FBXO38: variants seen among roughly 807,000 people sequenced by gnomAD.
FBXO38 encodes the protein F-box only protein 38.
Under a neutral mutation model 131.9 loss-of-function variants are expected in FBXO38, and 53 were observed. The ratio of observed to expected loss-of-function variants is 0.40; its 90% CI spans 0.32 to 0.51. The LOEUF is 0.51. Ranked by LOEUF, FBXO38 falls within the 20% of genes least tolerant of loss-of-function variation. The probability of loss-of-function intolerance (pLI) is 0.53; values close to 1 mark genes in which losing one functional copy is unlikely to be tolerated. For missense variants in FBXO38, 1,076 were observed against 1,475.6 expected (o/e 0.73, Z 4.44); for synonymous variants, 452 against 505.6 (o/e 0.89, Z 1.42).
chr5:148,421,552 A>G (rs1413014004), intron 12 of FBXO38, among the ~76,000 whole-genome samples: 1 of 152,216 alleles, frequency 6.6e-6, no homozygotes, highest in Non-Finnish European at 1.5e-5. Context: ...ACTTTTTTAC[A>G]GCTGAAATAA....
In FBXO38 at chr5:148,416,024, G is replaced by A; in HGVS notation, c.1361G>A (p.Ser454Asn). The change falls in exon 11 of 22, where the codon AGC (serine) becomes AAC (asparagine). Residue 454 changes from serine to asparagine, a missense_variant. This residue lies in a region of FBXO38 where 146 missense variants were observed against 274.3 expected (regional missense o/e 0.53). Transcript: ENST00000340253. ...SFGQFIELLP[S>N]LEFISLDQMF... Reference sequence around the variant, plus strand: ...GGCCAGTTTATTGAATTATTACCCAGCCTAGAGTTTATTTCACTGGATCAG... The same window carrying A: ...GGCCAGTTTATTGAATTATTACCCAACCTAGAGTTTATTTCACTGGATCAG... The A allele has an allele frequency of 1.2e-6, 2 of 1,612,306 alleles. No homozygotes were observed. Among genetic ancestry groups the A allele is most frequent in the African/African-American group, 1.3e-5 (1 of 74,872 alleles).
chr5:148,427,483 C>G lies in FBXO38; in HGVS notation c.2189C>G (p.Thr730Arg), dbSNP rs767223993. Reference sequence around the variant, plus strand: ...TCTCAAAGCCCCGACTTTGTAAGGACGGTGAACAGCGGCGGCTCTTCCGAG... The same window carrying G: ...TCTCAAAGCCCCGACTTTGTAAGGAGGGTGAACAGCGGCGGCTCTTCCGAG... ...TASQSPDFVR[T>R]VNSGGSSEPS... Residue 730 changes from threonine (T) to arginine (R), a missense_variant, in exon 15 of 22, where the codon ACG becomes AGG. Physicochemically the swap from Thr to Arg is moderately conservative, Grantham distance 71. Coordinates refer to ENST00000340253, the MANE Select transcript of FBXO38 (RefSeq NM_205836.3). The G allele has an allele frequency of 2.5e-6, 4 of 1,614,218 alleles. No homozygotes were observed. Among genetic ancestry groups the G allele is most frequent in the Non-Finnish European group, 3.4e-6 (4 of 1,180,044 alleles).
chr5:148,384,422 G>A (rs1221046356), intron 1 of FBXO38, among the ~76,000 whole-genome samples: 1 of 152,212 alleles, frequency 6.6e-6, no homozygotes, highest in African/African-American at 2.4e-5. Context: ...GGCCAGTAAA[G>A]TGAAGGAGGT....
rs1029896684 is a variant in FBXO38, at chr5:148,416,076, A to T, written c.1407+6A>T. On this transcript the variant is annotated splice_donor_region_variant and intron_variant, in intron 11 of 21. Transcript: ENST00000340253. ...TGTTTCGTGAACCACCCAAGGTAAG[A>T]TACATTTGAGGGAGTTTTTGTTTAT... 1 of 1,539,058 alleles carries T rather than the reference A, an allele frequency of 6.5e-7. No homozygotes were observed. Among genetic ancestry groups the T allele is most frequent in the South Asian group, 1.2e-5 (1 of 80,190 alleles).
intron 11 of FBXO38, among the ~76,000 whole-genome samples, chr5:148,416,359 CAG>C (rs745435782): frequency 2.0e-5 from 3 of 151,972 alleles, no homozygotes; most frequent in Admixed American, 6.6e-5. Context: ...AAATTTAAGA[CAG>C]AAATTATTAC....
At chr5:148,441,738 G>A (rs1264509045) in intron 21 of FBXO38, among the ~76,000 whole-genome samples, 1 of 152,178 alleles carries the variant, frequency 6.6e-6, no homozygotes, top group African/African-American at 2.4e-5. Flanking sequence ...ACATGTGCAT[G>A]TGTCTGACTT....
chr5:148,396,096 A>G (rs1489568647), intron 2 of FBXO38, among the ~76,000 whole-genome samples: 4 of 152,024 alleles, frequency 2.6e-5, no homozygotes, highest in Admixed American at 1.3e-4. Flanking sequence ...GTATGTCATT[A>G]TTTCCTGCAG....
intron 12 of FBXO38, among the ~76,000 whole-genome samples, chr5:148,419,376 A>AT (rs899312205): frequency 4.6e-5 from 7 of 151,456 alleles, no homozygotes; most frequent in South Asian, 2.1e-4. Flanking sequence ...TATAAGTTAG[A>AT]TTTTTTTTTC....
intron 17 of FBXO38, 108 bp from the exon 18 acceptor site, chr5:148,438,224 T>G: frequency 1.1e-6 from 1 of 919,138 alleles, no homozygotes; most frequent in Non-Finnish European, 1.6e-6. Flanking sequence ...TGATATTATT[T>G]GACCTCTGTT....
chr5:148,427,486 T>C lies in FBXO38; in HGVS notation c.2192T>C (p.Val731Ala), dbSNP rs1753778231. ...ASQSPDFVRT[V>A]NSGGSSEPSP... ...CAAAGCCCCGACTTTGTAAGGACGG[T>C]GAACAGCGGCGGCTCTTCCGAGCCT... Residue 731 changes from valine (V) to alanine (A), a missense_variant, in exon 15 of 22, where the codon GTG becomes GCG. Coordinates refer to ENST00000340253, the MANE Select transcript of FBXO38 (RefSeq NM_205836.3). 1.2e-6 allele frequency: 2 copies of C among 1,614,060 alleles called. No individual in the cohort carries two copies. The highest frequency in any genetic ancestry group is 1.7e-5 in the Admixed American group (1 of 60,010).
Position 148,404,732 on chromosome 5 carries a change from T to A in FBXO38, c.640T>A (p.Tyr214Asn). ...TTGTATCCCAATGCTAAGGCACCTT[T>A]ATATGAAGTGGGTAAGACTCACTAA... ...IPCIPMLRHL[Y>N]MKWVRLTKPQ... Residue 214 changes from tyrosine (Y) to asparagine (N), a missense_variant, in exon 6 of 22, where the codon TAT becomes AAT. Physicochemically the swap from Tyr to Asn is moderately radical, Grantham distance 143. Around this residue, in one of 8 missense-constraint regions of FBXO38, gnomAD observed 66 missense variants for 72.4 expected, o/e 0.91. Coordinates refer to ENST00000340253, the MANE Select transcript of FBXO38 (RefSeq NM_205836.3). 1.9e-6 allele frequency: 3 copies of A among 1,605,050 alleles called. No homozygotes were observed. Among genetic ancestry groups the A allele is most frequent in the Non-Finnish European group, 2.5e-6 (3 of 1,177,096 alleles).
At chr5:148,407,650 C>T (rs1752514900) in intron 7 of FBXO38, among the ~76,000 whole-genome samples, 1 of 151,210 alleles carries the variant, frequency 6.6e-6, no homozygotes, top group Non-Finnish European at 1.5e-5. Flanking sequence ...ACCGGCCGGG[C>T]GCAGTGGCCC....
At chr5:148,414,754 C>T (rs1752957093) in intron 10 of FBXO38, among the ~76,000 whole-genome samples, 2 of 152,134 alleles carry the variant, frequency 1.3e-5, no homozygotes, top group African/African-American at 4.8e-5. Flanking sequence ...AAATCCCAGT[C>T]TATTTCAGAT....
intron 5 of FBXO38, 93 bp from the exon 6 acceptor site, chr5:148,404,592 A>T: frequency 9.3e-7 from 1 of 1,069,660 alleles, no homozygotes; most frequent in Non-Finnish European, 1.3e-6. Context: ...TTAAGCTGTT[A>T]ATATGAAAAA....
At position 148,442,750 on chromosome 5, in the gene FBXO38, T is replaced by G. The variant is rs779350088; in HGVS notation, c.*603T>G. 1 of 152,216 alleles carries G rather than the reference T, an allele frequency of 6.6e-6. No homozygotes were observed. Among genetic ancestry groups the G allele is most frequent in the Non-Finnish European group, 1.5e-5 (1 of 68,036 alleles). The allele number at this position is 152,216 out of a possible 1,614,324, so 9.4% of individuals were successfully genotyped here. ...AGTTTGAGAGGGAAATGGAAAAGTT[T>G]CCAGAGTATTTCTAGTAATTTATTT... On this transcript the variant is annotated 3_prime_UTR_variant, in exon 22 of 22. Coordinates refer to ENST00000340253, the MANE Select transcript of FBXO38 (RefSeq NM_205836.3).
At chr5:148,434,309 A>T (rs907609259) in intron 17 of FBXO38, 1 of 152,128 alleles carries the variant, frequency 6.6e-6, no homozygotes, top group Non-Finnish European at 1.5e-5. Context: ...CTTTCTTTAT[A>T]TATGTGTCTG....
chr5:148,441,103 A>C, intron 20 of FBXO38, 21 bp from the exon 21 acceptor site: 1 of 1,573,652 alleles, frequency 6.4e-7, no homozygotes, highest in Non-Finnish European at 8.7e-7. Flanking sequence ...GCCAGTTAGC[A>C]ATGTTACATT....
chr5:148,427,659 A>T lies in FBXO38; in HGVS notation c.2365A>T (p.Ser789Cys). The change falls in exon 15 of 22, where the codon AGC becomes TGC. Residue 789 changes from serine to cysteine, a missense_variant. Physicochemically the swap from Ser to Cys is moderately radical, Grantham distance 112. This residue lies in a region of FBXO38 where 213 missense variants were observed against 225.2 expected (regional missense o/e 0.95). Coordinates refer to ENST00000340253, the MANE Select transcript of FBXO38 (RefSeq NM_205836.3). Reference protein sequence around the residue: ...HRPQESQRRTSRCSDEERPST... With the variant: ...HRPQESQRRTCRCSDEERPST... ...GCCCCAGGAATCCCAAAGGAGAACT[A>T]GCAGGTGTTCTGATGAGGAACGTCC... 2 of 1,614,214 alleles carry T rather than the reference A, an allele frequency of 1.2e-6. No homozygotes were observed. The highest frequency in any genetic ancestry group is 1.7e-6 in the Non-Finnish European group (2 of 1,180,034).
At chr5:148,396,626 T>C (rs762020882) in intron 2 of FBXO38, among the ~76,000 whole-genome samples, 37 of 152,150 alleles carry the variant, frequency 2.4e-4, no homozygotes, top group Non-Finnish European at 4.6e-4. Context: ...GTGAAAAAAT[T>C]GGACAATATA....
Sources: gnomAD v4.1 joint callset for allele counts (sites outside exome capture counted in the v4.1 genomes callset) on GRCh38, gnomAD v4.1.1 for gene constraint, gnomAD v4.1.1 regional missense constraint, MANE v1.5 for transcripts, NCBI Gene and HGNC (gene_info 2026-07-23, HGNC 2026-07-21) for gene names.